The following HUWE1 variants were observed in gnomAD, a reference collection of about 807,000 sequenced individuals.
HUWE1 encodes the protein HECT, UBA and WWE domain containing E3 ubiquitin protein ligase 1, also known as E3 ubiquitin-protein ligase HUWE1.
A neutral mutation model predicts 299.4 loss-of-function variants in HUWE1; 18 were observed. The observed-to-expected ratio is 0.06, with a 90% CI of 0.04 to 0.09. HUWE1 has a LOEUF of 0.09. Among genes scored for constraint, HUWE1 ranks in the 10% least tolerant of loss-of-function variants. The probability of loss-of-function intolerance (pLI) is 1.00; values close to 1 mark genes in which losing one functional copy is unlikely to be tolerated. For missense variants in HUWE1, 1,832 were observed against 3,462.3 expected (o/e 0.53, Z 11.82); for synonymous variants, 1,317 against 1,286.1 (o/e 1.02, Z -0.51).
intron 50 of HUWE1, 103 bp from the exon 51 acceptor site, chrX:53,564,825 G>C: frequency 9.4e-7 from 1 of 1,062,623 alleles, no homozygotes; most frequent in Non-Finnish European, 1.3e-6. Context: ...GGGCAAGTTT[G>C]TAAGTTCTCA....
At chrX:53,600,347 G>C (rs1016917134) in intron 28 of HUWE1, 38 bp from the exon 29 acceptor site, 2 of 1,023,758 alleles carry the variant, frequency 2.0e-6, no homozygotes, top group Non-Finnish European at 2.7e-6. Context: ...GGACAATGTA[G>C]AGCCAACATT....
chrX:53,556,115 A>C (rs1235674829), intron 60 of HUWE1: 1 of 313,601 alleles, frequency 3.2e-6, no homozygotes, highest in African/African-American at 2.7e-5. Flanking sequence ...CATCTGCCTC[A>C]CCCTAAACAC....
chrX:53,579,099 C>T (rs1244991844), intron 43 of HUWE1, among the ~76,000 whole-genome samples: 294 of 84,470 alleles, frequency 3.5e-3, no homozygotes, highest in Non-Finnish European at 4.9e-3. Context: ...CCCGGCCAGC[C>T]GCCCCGTCTG....
At chrX:53,598,377 T>C (rs782397861) in intron 29 of HUWE1, among the ~76,000 whole-genome samples, 2 of 111,549 alleles carry the variant, frequency 1.8e-5, no homozygotes, top group South Asian at 7.6e-4. Flanking sequence ...GTACTGTGTA[T>C]TTCCACAAAG....
intron 7 of HUWE1, among the ~76,000 whole-genome samples, chrX:53,643,911 C>T (rs1557033303): frequency 9.0e-6 from 1 of 111,474 alleles, no homozygotes. Context: ...GCAGCCTTCA[C>T]CTCCCAGGCT....
At chrX:53,577,519 C>CT (rs2063184995) in intron 43 of HUWE1, among the ~76,000 whole-genome samples, 1 of 91,041 alleles carries the variant, frequency 1.1e-5, no homozygotes, top group Admixed American at 1.2e-4. Context: ...CCCTCTCCCT[C>CT]TCCCTCCCTC....
chrX:53,617,193 G>T, intron 20 of HUWE1, 46 bp from the exon 21 acceptor site: 1 of 1,142,817 alleles, frequency 8.8e-7, no homozygotes, highest in Non-Finnish European at 1.2e-6. Flanking sequence ...AAAGAGTGTA[G>T]ATGCTAGGAA....
intron 70 of HUWE1, 148 bp from the exon 71 acceptor site, chrX:53,545,309 C>T: frequency 1.8e-6 from 1 of 570,481 alleles, no homozygotes. Flanking sequence ...CTCTGTTCAG[C>T]TTATTATGCG....
At chrX:53,677,204 G>A (rs782085759) in intron 3 of HUWE1, among the ~76,000 whole-genome samples, 1 of 105,792 alleles carries the variant, frequency 9.5e-6, no homozygotes, top group East Asian at 3.0e-4. Context: ...TATCAGAAAT[G>A]CAAAATCTGG....
chrX:53,571,388 G>C (rs1382868119), intron 47 of HUWE1, among the ~76,000 whole-genome samples: 1 of 111,944 alleles, frequency 8.9e-6, no homozygotes, highest in East Asian at 2.8e-4. Context: ...GAGGCGGGAG[G>C]ATCACTTGAG....
At chrX:53,585,618 T>C (rs1305635407) in intron 39 of HUWE1, among the ~76,000 whole-genome samples, 1 of 112,422 alleles carries the variant, frequency 8.9e-6, no homozygotes, top group Non-Finnish European at 1.9e-5. Flanking sequence ...ACTAAGGCTG[T>C]CACCAGATGT....
chrX:53,557,672 A>C (rs2062087368), intron 59 of HUWE1, among the ~76,000 whole-genome samples: 1 of 112,027 alleles, frequency 8.9e-6, no homozygotes, highest in Non-Finnish European at 1.9e-5. Flanking sequence ...GAAGGAAAGG[A>C]TAATAAAAAC....
chrX:53,564,627 C>T lies in HUWE1; in HGVS notation c.6976G>A (p.Asp2326Asn), dbSNP rs1569448303. 4.1e-6 allele frequency: 5 copies of T among 1,211,471 alleles called. No homozygotes were observed. The highest frequency in any genetic ancestry group is 5.6e-6 in the Non-Finnish European group (5 of 895,426). Residue 2326 changes from aspartate (D) to asparagine (N), a missense_variant, in exon 51 of 84, where the codon GAC becomes AAC. Asp to Asn is a conservative substitution (Grantham distance 23). Coordinates refer to ENST00000262854, the MANE Select transcript of HUWE1 (RefSeq NM_031407.7). ...GDIMDGEAET[D>N]SVVIAGQPEV... The stretch of plus-strand genomic sequence containing the variant: ...GGCTGCCCAGCAATCACCACTGAGT[C>T]GGTTTCAGCCTCCCCATCCATGATA...
chrX:53,582,146 T>C (rs782812441), intron 42 of HUWE1, among the ~76,000 whole-genome samples: 1 of 112,621 alleles, frequency 8.9e-6, no homozygotes, highest in Admixed American at 9.4e-5. Flanking sequence ...ACCCCAACTA[T>C]AATTTACCTA....
chrX:53,619,590 GAAA>G (rs35685121), intron 19 of HUWE1, among the ~76,000 whole-genome samples: 1,716 of 41,157 alleles, frequency 0.042, 57 homozygotes, highest in African/African-American at 0.13. Context: ...AGAAATAGAA[GAAA>G]AAAAAAAAAA....
In HUWE1 at chrX:53,546,905, C is replaced by T. The variant is rs781966364; in HGVS notation, c.10637-80G>A. 11 of 1,103,155 alleles carry T rather than the reference C, an allele frequency of 1.0e-5. No homozygotes were observed. The East Asian group carries it at 2.9e-4, about 29-fold the overall frequency. 90.9% of individuals were successfully genotyped at this position (1,103,155 alleles called of 1,213,427 possible). ...ACTAAGTGACAAAATCAAGGAATCG[C>T]TGAATTGCCCAGGGCTTCAAAATGG... On this transcript the variant is annotated intron_variant, in intron 68 of 83. Coordinates refer to ENST00000262854, the MANE Select transcript of HUWE1 (RefSeq NM_031407.7).
At chrX:53,683,134 G>A (rs1056641982) in intron 2 of HUWE1, among the ~76,000 whole-genome samples, 1 of 111,250 alleles carries the variant, frequency 9.0e-6, no homozygotes, top group Non-Finnish European at 1.9e-5. Context: ...GAGACAGAGC[G>A]GGCTAGAGGA....
At chrX:53,581,139 A>T in intron 42 of HUWE1, 113 bp from the exon 43 acceptor site, 1 of 646,608 alleles carries the variant, frequency 1.5e-6, no homozygotes, top group Non-Finnish European at 2.3e-6. Flanking sequence ...ATGACATTTT[A>T]TTTTTAAGTC....
intron 63 of HUWE1, among the ~76,000 whole-genome samples, chrX:53,551,785 T>C (rs2061775233): frequency 9.0e-6 from 1 of 111,674 alleles, no homozygotes; most frequent in Non-Finnish European, 1.9e-5. Flanking sequence ...ATTTTCAGGA[T>C]TACAGGCACG....
Sources: allele counts gnomAD v4.1 joint callset (sites outside exome capture counted in the v4.1 genomes callset), GRCh38; gene constraint gnomAD v4.1.1; transcripts MANE v1.5; gene names NCBI Gene and HGNC (gene_info 2026-07-23, HGNC 2026-07-21).